The following MEGF11 variants were observed in gnomAD, a reference collection of about 807,000 sequenced individuals.
MEGF11 encodes multiple EGF like domains 11.
A neutral mutation model predicts 146.6 loss-of-function variants in MEGF11; 126 were observed. That is an observed-to-expected ratio of 0.86 (90% confidence interval 0.74 to 1.00). MEGF11 has a LOEUF of 1.00. MEGF11 is among the 50% of genes least tolerant of loss of function. MEGF11 has a pLI of 0.00. For missense variants in MEGF11, 1,509 were observed against 1,521.2 expected (o/e 0.99, Z 0.13); for synonymous variants, 532 against 583.4 (o/e 0.91, Z 1.27).
intron 1 of MEGF11, among the ~76,000 whole-genome samples, chr15:66,206,568 A>C (rs2091304690): frequency 6.6e-6 from 1 of 152,172 alleles, no homozygotes; most frequent in South Asian, 2.1e-4. Context: ...AGAACTAAAC[A>C]GATATTCTGG....
At chr15:66,069,742 G>A (rs1051804538) in intron 5 of MEGF11, among the ~76,000 whole-genome samples, 3 of 152,116 alleles carry the variant, frequency 2.0e-5, no homozygotes, top group African/African-American at 4.8e-5. Context: ...AAAAACACTG[G>A]GATGAAAAAT....
chr15:65,956,468 A>G (rs759012412), intron 10 of MEGF11, among the ~76,000 whole-genome samples: 1 of 152,244 alleles, frequency 6.6e-6, no homozygotes, highest in South Asian at 2.1e-4. Flanking sequence ...GGGTGAGGAA[A>G]CAGAAGTGAA....
At chr15:66,243,168 C>T (rs1043081085) in intron 1 of MEGF11, among the ~76,000 whole-genome samples, 1 of 152,228 alleles carries the variant, frequency 6.6e-6, no homozygotes, top group African/African-American at 2.4e-5. Flanking sequence ...TCTCGGTTTC[C>T]CCATTTGCCC....
At chr15:66,196,408 G>A (rs1363825317) in intron 1 of MEGF11, among the ~76,000 whole-genome samples, 8 of 152,126 alleles carry the variant, frequency 5.3e-5, no homozygotes, top group African/African-American at 1.9e-4. Flanking sequence ...GGAGGTAGAG[G>A]TTGCAGCGAG....
chr15:65,927,492 C>T (rs962784897), intron 13 of MEGF11, among the ~76,000 whole-genome samples: 1 of 152,178 alleles, frequency 6.6e-6, no homozygotes, highest in African/African-American at 2.4e-5. Context: ...TGTCATTGAA[C>T]TCTGATTTAA....
chr15:65,983,773 C>T (rs1281477010), intron 5 of MEGF11, among the ~76,000 whole-genome samples: 1 of 151,936 alleles, frequency 6.6e-6, no homozygotes, highest in Non-Finnish European at 1.5e-5. Flanking sequence ...TTTAGACACT[C>T]AGAGAGGAAA....
intron 8 of MEGF11, among the ~76,000 whole-genome samples, chr15:65,969,992 C>T (rs1025685179): frequency 2.0e-5 from 3 of 152,158 alleles, no homozygotes; most frequent in South Asian, 2.1e-4. Context: ...TCCTTCTTCC[C>T]GCTGTGGCAC....
chr15:66,009,050 C>T (rs573571678), intron 5 of MEGF11, among the ~76,000 whole-genome samples: 131 of 152,264 alleles, frequency 8.6e-4, no homozygotes, highest in Non-Finnish European at 1.6e-3. Context: ...GCTTTTCACT[C>T]TTACATTCTA....
At chr15:66,209,897 G>A (rs977220541) in intron 1 of MEGF11, among the ~76,000 whole-genome samples, 4 of 151,340 alleles carry the variant, frequency 2.6e-5, no homozygotes, top group South Asian at 2.1e-4. Flanking sequence ...AAACATAATT[G>A]CAGCCCCCAT....
intron 1 of MEGF11, among the ~76,000 whole-genome samples, chr15:66,216,768 T>C (rs764572441): frequency 6.6e-6 from 1 of 152,184 alleles, no homozygotes; most frequent in Non-Finnish European, 1.5e-5. Flanking sequence ...AGGAGGGATA[T>C]GTTGAAGGCT....
intron 1 of MEGF11, among the ~76,000 whole-genome samples, chr15:66,154,832 G>A (rs1169127026): frequency 1.3e-5 from 2 of 152,174 alleles, no homozygotes; most frequent in African/African-American, 2.4e-5. Context: ...GAAGGGAAGG[G>A]CCCAGGTGGC....
chr15:66,187,384 T>C (rs540358026), intron 1 of MEGF11, among the ~76,000 whole-genome samples: 2 of 152,310 alleles, frequency 1.3e-5, no homozygotes, highest in Admixed American at 1.3e-4. Context: ...CCCAGCTCCC[T>C]GTCCACTGGG....
intron 13 of MEGF11, among the ~76,000 whole-genome samples, chr15:65,923,577 C>T (rs966899018): frequency 6.6e-6 from 1 of 152,152 alleles, no homozygotes. Flanking sequence ...ACAATAGAAA[C>T]CAGTACTTTG....
chr15:66,176,234 C>T (rs368233618), intron 1 of MEGF11, among the ~76,000 whole-genome samples: 7 of 152,078 alleles, frequency 4.6e-5, no homozygotes, highest in Non-Finnish European at 5.9e-5. Context: ...ACAGCCATTA[C>T]GGAAAACAGT....
intron 1 of MEGF11, among the ~76,000 whole-genome samples, chr15:66,129,768 T>A (rs2088561744): frequency 6.6e-6 from 1 of 152,198 alleles, no homozygotes; most frequent in African/African-American, 2.4e-5. Flanking sequence ...TCCACAATGA[T>A]TTCCTTGTTA....
At chr15:66,027,412 G>T (rs2083371024) in intron 5 of MEGF11, among the ~76,000 whole-genome samples, 1 of 152,160 alleles carries the variant, frequency 6.6e-6, no homozygotes, top group Non-Finnish European at 1.5e-5. Flanking sequence ...TCACAGACAG[G>T]GGCCTATGAT....
At chr15:66,027,106 A>G (rs1045595634) in intron 5 of MEGF11, among the ~76,000 whole-genome samples, 2 of 152,158 alleles carry the variant, frequency 1.3e-5, no homozygotes, top group Non-Finnish European at 2.9e-5. Flanking sequence ...CTAGCTGTGG[A>G]GACCCTTCTG....
At position 65,922,955 on chromosome 15, in the gene MEGF11, T is replaced by C. The variant is rs1203703970; in HGVS notation, c.1690A>G (p.Ser564Gly). 1 of 1,612,752 alleles carries C rather than the reference T, an allele frequency of 6.2e-7. No homozygotes were observed. The highest frequency in any genetic ancestry group is 8.5e-7 in the Non-Finnish European group (1 of 1,179,640). The change falls in exon 14 of 26, where the codon AGC becomes GGC. Residue 564 changes from serine to glycine, a missense_variant. Physicochemically the swap from Ser to Gly is moderately conservative, Grantham distance 56. Transcript: ENST00000395614. ...CCCCAGCGGCCAGGTGGACACGTGC[T>C]GTCACAGCGGATGCCTGTGGGCCAG... is the stretch of plus-strand genomic sequence containing the variant. ...LAGWTGIRCD[S>G]TCPPGRWGPN...
intron 24 of MEGF11, 114 bp downstream of exon 24, chr15:65,905,971 T>C (rs926973961): frequency 1.2e-6 from 1 of 816,850 alleles, no homozygotes; most frequent in South Asian, 1.8e-5. Flanking sequence ...TTTAACCTTC[T>C]GTGGGGGGCA....
Sources: gnomAD v4.1 joint callset for allele counts (sites outside exome capture counted in the v4.1 genomes callset) on GRCh38, gnomAD v4.1.1 for gene constraint, MANE v1.5 for transcripts, NCBI Gene and HGNC (gene_info 2026-07-23, HGNC 2026-07-21) for gene names.